PPT2: variants seen among roughly 807,000 people sequenced by gnomAD.
The protein encoded by PPT2 is lysosomal thioesterase PPT2.
Under a neutral mutation model 37.3 loss-of-function variants are expected in PPT2, and 20 were observed. The observed-to-expected ratio is 0.54, with a 90% CI of 0.38 to 0.78. The LOEUF (loss-of-function observed/expected upper bound fraction) is 0.78. Ranked by LOEUF, PPT2 falls within the 30% of genes least tolerant of loss-of-function variation. The pLI, the probability that PPT2 is intolerant of heterozygous loss-of-function variation, is 0.00. For synonymous variants in PPT2, 135 were observed against 159.1 expected (o/e 0.85, Z 1.14); for missense variants, 270 against 389.8 (o/e 0.69, Z 2.59).
Position 32,155,825 on chromosome 6 carries a change from G to A in PPT2, c.433+42G>A, listed in dbSNP as rs778594349. 1.2e-6 allele frequency: 2 copies of A among 1,611,156 alleles called. No individual in the cohort carries two copies. The highest frequency in any genetic ancestry group is 1.1e-5 in the South Asian group (1 of 90,996). ...CTCCATAGAATGCCCTGAGTTTTGG[G>A]GGAACAGAGGTTTATGGTCACTTAG... On this transcript the variant is annotated intron_variant, in intron 4 of 8. Transcript: ENST00000324816. This position sits in a 1 kb window ranked among gnomAD's most constrained non-coding sequence, Gnocchi z 4.3.
chr6:32,157,786 C>T, intron 6 of PPT2, 54 bp from the exon 7 acceptor site: 1 of 1,577,610 alleles, frequency 6.3e-7, no homozygotes, highest in African/African-American at 1.3e-5. Context: ...TCTCCCTCTC[C>T]AACCTGGCCT....
Position 32,155,446 on chromosome 6 carries a change from C to T in PPT2, c.338-242C>T, listed in dbSNP as rs1783702772. Among the ~76,000 whole-genome samples, 1 of 152,174 alleles carries T rather than the reference C, an allele frequency of 6.6e-6. No homozygotes were observed. Among genetic ancestry groups the T allele is most frequent in the Non-Finnish European group, 1.5e-5 (1 of 68,040 alleles). ...GGGCTAATGGGGCAGGTAAAAACAT[C>T]CTAGAACTAGAGGCAGGAGGCCCAG... On this transcript the variant is annotated intron_variant, in intron 3 of 8. Coordinates refer to ENST00000324816, the MANE Select transcript of PPT2 (RefSeq NM_005155.7). The surrounding 1 kb of genome is among the most constrained non-coding windows in gnomAD (Gnocchi z 4.3).
Position 32,157,866 on chromosome 6 carries a change from G to A in PPT2, c.652G>A (p.Gly218Ser), listed in dbSNP as rs762446904. ...ATGGCGGAAGAACTTTCTGCGTGTG[G>A]GCCACCTGGTGCTGATTGGGGGCCC... is the stretch of plus-strand genomic sequence containing the variant. ...TVWRKNFLRV[G>S]HLVLIGGPDD... is the part of the protein sequence containing the mutation. The change falls in exon 7 of 9, where the codon GGC becomes AGC. Residue 218 changes from glycine to serine, a missense_variant. Coordinates refer to ENST00000324816, the MANE Select transcript of PPT2 (RefSeq NM_005155.7). 1.9e-6 allele frequency: 3 copies of A among 1,612,652 alleles called. No homozygotes were observed. In the African/African-American group the frequency reaches 4.0e-5, roughly 22 times the overall value.
chr6:32,162,432 C>A lies in PPT2; in HGVS notation c.711-136C>A. 3.6e-6 allele frequency: 3 copies of A among 837,128 alleles called. No individual in the cohort carries two copies. Among genetic ancestry groups the A allele is most frequent in the Non-Finnish European group, 5.9e-6 (3 of 505,682 alleles). 51.9% of individuals were successfully genotyped at this position (837,128 alleles called of 1,614,324 possible). A position where few individuals can be genotyped will look rare whatever the true frequency, so the allele number is the denominator to read the frequency against. The stretch of plus-strand genomic sequence containing the variant: ...ATGGGGTTTCACCATTTTGGTCAGG[C>A]TGGTCTTGAACTCCTGGCCTCAGGT... On this transcript the variant is annotated intron_variant, in intron 7 of 8. Transcript: ENST00000324816. The surrounding 1 kb of genome is among the most constrained non-coding windows in gnomAD (Gnocchi z 5.5).
Position 32,155,647 on chromosome 6 carries a change from C to T in PPT2, c.338-41C>T. On this transcript the variant is annotated intron_variant, in intron 3 of 8. Coordinates refer to ENST00000324816, the MANE Select transcript of PPT2 (RefSeq NM_005155.7). The surrounding 1 kb of genome is among the most constrained non-coding windows in gnomAD (Gnocchi z 4.3). Reference sequence around the variant, plus strand: ...GGGGTGGGGGGTGCTGCTGGCTTTGCTGTCCTTAAGTGCCTGCCCAATGTG... The same window carrying T: ...GGGGTGGGGGGTGCTGCTGGCTTTGTTGTCCTTAAGTGCCTGCCCAATGTG... The T allele has an allele frequency of 1.3e-6, 2 of 1,534,468 alleles. No homozygotes were observed. The highest frequency in any genetic ancestry group is 1.4e-5 in the African/African-American group (1 of 72,518).
intron 7 of PPT2, 194 bp downstream of exon 7, chr6:32,158,118 T>C: frequency 1.8e-6 from 1 of 548,634 alleles, no homozygotes; most frequent in Non-Finnish European, 3.2e-6. Context: ...CACTAAGTCC[T>C]GCTGACTCTT....
chr6:32,160,826 T>G (rs1408271651), intron 7 of PPT2, among the ~76,000 whole-genome samples: 1 of 151,784 alleles, frequency 6.6e-6, no homozygotes, highest in Non-Finnish European at 1.5e-5. Context: ...TGTCTTTACC[T>G]AAAATACAAA....
chr6:32,159,433 C>CAAAAAAAAAAAAAAAA lies in PPT2; in HGVS notation c.710+1513_710+1528dup, dbSNP rs1214191656. 2.7e-4 allele frequency among the ~76,000 whole-genome samples: 6 copies of CAAAAAAAAAAAAAAAA among 22,194 alleles called. 1 individual carries two copies. The highest frequency in any genetic ancestry group is 6.5e-4 in the African/African-American group (3 of 4,650). The allele number at this position is 22,194 out of a possible 152,430, so 14.6% of individuals were successfully genotyped here. A position where few individuals can be genotyped will look rare whatever the true frequency, so the allele number is the denominator to read the frequency against. ...GGGCAACAAGAGCGAAACTCCATCT[C>CAAAAAAAAAAAAAAAA]AAAAAAAAAAAAAAAAAAATATATA... On this transcript the variant is annotated intron_variant, in intron 7 of 8. Transcript: ENST00000324816.
At chr6:32,160,029 C>A (rs768764169) in intron 7 of PPT2, among the ~76,000 whole-genome samples, 20 of 150,562 alleles carry the variant, frequency 1.3e-4, no homozygotes, top group Non-Finnish European at 2.4e-4. Context: ...CAATATATAT[C>A]TCTCTCTATA....
chr6:32,155,262 C>T lies in PPT2; in HGVS notation c.337+79C>T. On this transcript the variant is annotated intron_variant, in intron 3 of 8. Transcript: ENST00000324816. This position sits in a 1 kb window ranked among gnomAD's most constrained non-coding sequence, Gnocchi z 4.3. ...ATCTGAGGGACACTTCCTAGCGTCCCTTTTTCTGAACCACATTGCTCCAGG... is the reference window on the plus strand; with the variant it reads ...ATCTGAGGGACACTTCCTAGCGTCCTTTTTTCTGAACCACATTGCTCCAGG... The T allele has an allele frequency of 6.5e-7, 1 of 1,538,578 alleles. No individual in the cohort carries two copies. Among genetic ancestry groups the T allele is most frequent in the Non-Finnish European group, 8.9e-7 (1 of 1,123,690 alleles).
chr6:32,158,741 A>G (rs1359316138), intron 7 of PPT2, among the ~76,000 whole-genome samples: 1 of 152,164 alleles, frequency 6.6e-6, no homozygotes, highest in African/African-American at 2.4e-5. Context: ...AAAAGTCACC[A>G]TTCAATTAGA....
At position 32,162,846 on chromosome 6, in the gene PPT2, G is replaced by C; in HGVS notation, c.805G>C (p.Ala269Pro). The C allele has an allele frequency of 6.2e-7, 1 of 1,613,960 alleles. No individual in the cohort carries two copies. Among genetic ancestry groups the C allele is most frequent in the Non-Finnish European group, 8.5e-7 (1 of 1,179,902 alleles). ...RDSFGLKTLL[A>P]RGAIVRCPMA... is the part of the protein sequence containing the mutation. Reference sequence around the variant, plus strand: ...TTCTTTTGGGTTGAAGACTCTATTGGCCCGGGGGGCCATAGTGAGGTGTCC... The same window carrying C: ...TTCTTTTGGGTTGAAGACTCTATTGCCCCGGGGGGCCATAGTGAGGTGTCC... Residue 269 changes from alanine to proline, a missense_variant, in exon 9 of 9, where the codon GCC becomes CCC. Transcript: ENST00000324816. The surrounding 1 kb of genome is among the most constrained non-coding windows in gnomAD (Gnocchi z 5.5).
chr6:32,155,584 C>CTCTG lies in PPT2; in HGVS notation c.338-103_338-102insCTGT, dbSNP rs1554127208. 1.0e-4 allele frequency: 73 copies of CTCTG among 698,706 alleles called. No individual in the cohort carries two copies. The highest frequency in any genetic ancestry group is 9.3e-4 in the African/African-American group (43 of 46,068). The allele number at this position is 698,706 out of a possible 1,614,324, so 43.3% of individuals were successfully genotyped here. A position where few individuals can be genotyped will look rare whatever the true frequency, so the allele number is the denominator to read the frequency against. On this transcript the variant is annotated intron_variant, in intron 3 of 8. Transcript: ENST00000324816. This position sits in a 1 kb window ranked among gnomAD's most constrained non-coding sequence, Gnocchi z 4.3. Reference sequence around the variant, plus strand: ...GTACAGTGTGTGTCTGTGTGTGTCTCTGTGTGTGTGTGTGTGTGTGTGTGT... The same window carrying CTCTG: ...GTACAGTGTGTGTCTGTGTGTGTCTCTCTGTGTGTGTGTGTGTGTGTGTGTGTGT...
chr6:32,154,625 G>T lies in PPT2; in HGVS notation c.31G>T (p.Ala11Ser). Reference protein sequence around the residue: MLGLCGQRLPAAWVLLLLPFL... With the variant: MLGLCGQRLPSAWVLLLLPFL... Reference sequence around the variant, plus strand: ...GGGGCTCTGCGGGCAGCGGCTCCCCGCGGCGTGGGTCCTGCTTCTGTTGCC... The same window carrying T: ...GGGGCTCTGCGGGCAGCGGCTCCCCTCGGCGTGGGTCCTGCTTCTGTTGCC... Residue 11 changes from alanine to serine, a missense_variant, in exon 2 of 9, where the codon GCG becomes TCG. By Grantham distance (99) the Ala-to-Ser change is moderately conservative. Coordinates refer to ENST00000324816, the MANE Select transcript of PPT2 (RefSeq NM_005155.7). The surrounding 1 kb of genome is among the most constrained non-coding windows in gnomAD (Gnocchi z 7.3). 6.2e-7 allele frequency: 1 copy of T among 1,611,918 alleles called. No individual in the cohort carries two copies. Among genetic ancestry groups the T allele is most frequent in the East Asian group, 2.2e-5 (1 of 44,834 alleles).
rs201027090 is a variant in PPT2, at chr6:32,162,996, G to C, written c.*46G>C. ...AGGAACTCCTCGGTCCAGAGACCAA[G>C]TGGTGGCCTTGGAAAGCAGATGTCA... On this transcript the variant is annotated 3_prime_UTR_variant, in exon 9 of 9. Coordinates refer to ENST00000324816, the MANE Select transcript of PPT2 (RefSeq NM_005155.7). This position sits in a 1 kb window ranked among gnomAD's most constrained non-coding sequence, Gnocchi z 5.5. 90 of 1,558,920 alleles carry C rather than the reference G, an allele frequency of 5.8e-5. No individual in the cohort carries two copies. In the African/African-American group the frequency reaches 8.8e-4, roughly 15 times the overall value.
rs369636289 is a variant in PPT2, at chr6:32,154,805, G to T, written c.183+28G>T. On this transcript the variant is annotated intron_variant, in intron 2 of 8. Transcript: ENST00000324816. The surrounding 1 kb of genome is among the most constrained non-coding windows in gnomAD (Gnocchi z 7.3). The stretch of plus-strand genomic sequence containing the variant: ...CTGGCAGGGGACACCTGGGTGCAGG[G>T]CGTTAGAGGCGTCTACTGTGGCAGG... 2.5e-6 allele frequency: 4 copies of T among 1,599,560 alleles called. No individual in the cohort carries two copies.
At chr6:32,158,866 G>A (rs901033327) in intron 7 of PPT2, among the ~76,000 whole-genome samples, 8 of 152,160 alleles carry the variant, frequency 5.3e-5, no homozygotes, top group African/African-American at 1.7e-4. Context: ...GGCCAGCATG[G>A]CTAGTGCACA....
Position 32,155,258 on chromosome 6 carries a change from G to A in PPT2, c.337+75G>A. On this transcript the variant is annotated intron_variant, in intron 3 of 8. Coordinates refer to ENST00000324816, the MANE Select transcript of PPT2 (RefSeq NM_005155.7). This position sits in a 1 kb window ranked among gnomAD's most constrained non-coding sequence, Gnocchi z 4.3. Reference sequence around the variant, plus strand: ...CCTTATCTGAGGGACACTTCCTAGCGTCCCTTTTTCTGAACCACATTGCTC... The same window carrying A: ...CCTTATCTGAGGGACACTTCCTAGCATCCCTTTTTCTGAACCACATTGCTC... The A allele has an allele frequency of 1.3e-6, 2 of 1,553,424 alleles. No homozygotes were observed. Among genetic ancestry groups the A allele is most frequent in the South Asian group, 1.1e-5 (1 of 87,868 alleles).
rs944805807 is a variant in PPT2 at position 32,155,059 on chromosome 6, C to G, written c.213C>G (p.Leu71=). The G allele has an allele frequency of 2.5e-6, 4 of 1,613,008 alleles. No homozygotes were observed. The highest frequency in any genetic ancestry group is 2.5e-6 in the Non-Finnish European group (3 of 1,180,024). The change falls in exon 3 of 9, where the codon CTC becomes CTG. Residue 71 remains leucine, a synonymous_variant. Transcript: ENST00000324816. The surrounding 1 kb of genome is among the most constrained non-coding windows in gnomAD (Gnocchi z 4.3). ...ETHPGTVVTV[L]DLFDGRESLR... ...ACCCCGGGACTGTGGTGACAGTGCT[C>G]GATCTCTTCGATGGGAGAGAGAGCT...
Sources: allele counts gnomAD v4.1 joint callset (sites outside exome capture counted in the v4.1 genomes callset), GRCh38; gene constraint gnomAD v4.1.1; non-coding constraint Gnocchi (gnomAD v3.1); transcripts MANE v1.5; gene names NCBI Gene and HGNC (gene_info 2026-07-23, HGNC 2026-07-21).